Variants in LRRTM3 observed in about 807,000 individuals in gnomAD.
The protein encoded by LRRTM3 is leucine-rich repeat transmembrane neuronal protein 3.
In LRRTM3, 24 loss-of-function variants were observed where a neutral mutation model predicts 44.7. The ratio of observed to expected loss-of-function variants is 0.54; its 90% CI spans 0.39 to 0.76. LRRTM3 has a LOEUF of 0.76. Ranked by LOEUF, LRRTM3 falls within the 30% of genes least tolerant of loss-of-function variation. LRRTM3 has a pLI of 0.00. For missense variants in LRRTM3, 587 were observed against 702.2 expected (o/e 0.84, Z 1.85); for synonymous variants, 277 against 278.7 (o/e 0.99, Z 0.06).
At chr10:67,003,311 C>T (rs1470913215) in intron 2 of LRRTM3, among the ~76,000 whole-genome samples, 4 of 152,128 alleles carry the variant, frequency 2.6e-5, no homozygotes, top group Non-Finnish European at 5.9e-5. Context: ...TCTGCTTTAA[C>T]CCTAATACTG....
chr10:67,056,740 T>C (rs1037977021), intron 2 of LRRTM3, among the ~76,000 whole-genome samples: 7 of 152,190 alleles, frequency 4.6e-5, no homozygotes, highest in African/African-American at 1.7e-4. Flanking sequence ...ATAATTAAAA[T>C]AGCAAGTTCA....
At chr10:67,040,893 T>TA (rs1854351020) in intron 2 of LRRTM3, among the ~76,000 whole-genome samples, 1 of 152,100 alleles carries the variant, frequency 6.6e-6, no homozygotes, top group Admixed American at 6.6e-5. Flanking sequence ...GAGACAAAGA[T>TA]AAAAAAGACC....
At chr10:67,031,474 G>T (rs536442422) in intron 2 of LRRTM3, among the ~76,000 whole-genome samples, 45 of 152,222 alleles carry the variant, frequency 3.0e-4, no homozygotes, top group African/African-American at 1.1e-3. Flanking sequence ...TCACTTCAAA[G>T]ATTTTCAAGA....
rs548286258 is a variant in LRRTM3 at position 67,068,603 on chromosome 10, T to C, written c.1537-28984T>C. 4.6e-5 allele frequency among the ~76,000 whole-genome samples: 7 copies of C among 152,048 alleles called. No individual in the cohort carries two copies. In the South Asian group the frequency reaches 8.3e-4, roughly 18 times the overall value. On this transcript the variant is annotated intron_variant, in intron 2 of 2. Coordinates refer to ENST00000361320, the MANE Select transcript of LRRTM3 (RefSeq NM_178011.5). ...GACAGTTCTTATATTTTAGTAATTA[T>C]CAGAGAAAAAAAGACAAGAAGAAAA...
At chr10:66,963,856 T>C (rs1332345348) in intron 2 of LRRTM3, among the ~76,000 whole-genome samples, 1 of 151,952 alleles carries the variant, frequency 6.6e-6, no homozygotes, top group East Asian at 1.9e-4. Context: ...TTTTTTTTTT[T>C]TTTTTAAGAT....
At chr10:67,065,696 A>G (rs546104267) in intron 2 of LRRTM3, among the ~76,000 whole-genome samples, 1 of 152,148 alleles carries the variant, frequency 6.6e-6, no homozygotes, top group East Asian at 1.9e-4. Flanking sequence ...CGGGAAGAGA[A>G]CTCCAAGGTC....
chr10:67,033,374 C>T (rs765196122), intron 2 of LRRTM3, among the ~76,000 whole-genome samples: 1 of 152,096 alleles, frequency 6.6e-6, no homozygotes, highest in Non-Finnish European at 1.5e-5. Flanking sequence ...ACACAAATCT[C>T]GATGCTTCTC....
chr10:67,074,453 C>T (rs1051875440), intron 2 of LRRTM3, among the ~76,000 whole-genome samples: 1 of 147,986 alleles, frequency 6.8e-6, no homozygotes, highest in Non-Finnish European at 1.5e-5. Context: ...CGGGTTCACG[C>T]CATTCTCCTG....
intron 2 of LRRTM3, among the ~76,000 whole-genome samples, chr10:67,058,780 C>T (rs560829639): frequency 2.0e-5 from 3 of 152,248 alleles, no homozygotes; most frequent in Admixed American, 2.0e-4. Context: ...GTAATGTCTG[C>T]ATCACAGAGC....
At chr10:67,047,610 A>G (rs987568426) in intron 2 of LRRTM3, among the ~76,000 whole-genome samples, 2 of 152,134 alleles carry the variant, frequency 1.3e-5, no homozygotes, top group African/African-American at 4.8e-5. Flanking sequence ...CGTATAGGCA[A>G]TAAATGGTGT....
In LRRTM3 at chr10:66,927,882, C is replaced by T. The variant is rs757257686; in HGVS notation, c.966C>T (p.Ser322=). Reference sequence around the variant, plus strand: ...GGGAATGCAGCAGAAATATTTGCTCCCTTGTAAACTGGCTGAAAAGTTTTA... The same window carrying T: ...GGGAATGCAGCAGAAATATTTGCTCTCTTGTAAACTGGCTGAAAAGTTTTA... ...NIWECSRNIC[S]LVNWLKSFKG... Residue 322 remains serine (S), a synonymous_variant, in exon 2 of 3, where the codon TCC becomes TCT. Coordinates refer to ENST00000361320, the MANE Select transcript of LRRTM3 (RefSeq NM_178011.5). The surrounding 1 kb of genome is among the most constrained non-coding windows in gnomAD (Gnocchi z 4.7). 26 of 1,614,060 alleles carry T rather than the reference C, an allele frequency of 1.6e-5. No individual in the cohort carries two copies. The highest frequency in any genetic ancestry group is 1.6e-4 in the Middle Eastern group (1 of 6,084).
At chr10:67,038,990 T>C (rs1002375400) in intron 2 of LRRTM3, among the ~76,000 whole-genome samples, 1 of 152,060 alleles carries the variant, frequency 6.6e-6, no homozygotes, top group South Asian at 2.1e-4. Flanking sequence ...TCAGGCATAA[T>C]CAAGAATTGG....
chr10:66,980,417 AC>A (rs1404879643), intron 2 of LRRTM3, among the ~76,000 whole-genome samples: 1 of 151,408 alleles, frequency 6.6e-6, no homozygotes, highest in African/African-American at 2.4e-5. Context: ...AGAAAAGAGA[AC>A]CCTGGCACTG....
At chr10:66,940,862 C>A (rs1191554006) in intron 2 of LRRTM3, among the ~76,000 whole-genome samples, 3 of 151,992 alleles carry the variant, frequency 2.0e-5, no homozygotes, top group Non-Finnish European at 4.4e-5. Flanking sequence ...GGTAATATGA[C>A]AAAACAGATT....
At chr10:67,092,645 T>C (rs941028291) in intron 2 of LRRTM3, among the ~76,000 whole-genome samples, 1 of 152,000 alleles carries the variant, frequency 6.6e-6, no homozygotes. Flanking sequence ...TTTAAAAAAC[T>C]ATTCTTATCC....
At chr10:67,069,634 TTCTG>T (rs908045591) in intron 2 of LRRTM3, among the ~76,000 whole-genome samples, 2 of 141,928 alleles carry the variant, frequency 1.4e-5, no homozygotes, top group African/African-American at 5.2e-5. Flanking sequence ...CATAGATTAG[TTCTG>T]TCTGTTTTTG....
intron 2 of LRRTM3, among the ~76,000 whole-genome samples, chr10:67,073,259 C>T (rs1856562114): frequency 6.6e-6 from 1 of 152,188 alleles, no homozygotes; most frequent in South Asian, 2.1e-4. Context: ...ATTTTAATAG[C>T]TCTGATTAGT....
At chr10:67,046,504 G>T (rs1854753127) in intron 2 of LRRTM3, among the ~76,000 whole-genome samples, 1 of 152,116 alleles carries the variant, frequency 6.6e-6, no homozygotes, top group South Asian at 2.1e-4. Flanking sequence ...AGAACAAGGG[G>T]ATTCCTGGAA....
chr10:67,085,977 C>T (rs1293849405), intron 2 of LRRTM3, among the ~76,000 whole-genome samples: 1 of 151,978 alleles, frequency 6.6e-6, no homozygotes, highest in Non-Finnish European at 1.5e-5. Context: ...CTCATCATAT[C>T]CTACACATAA....
Sources: gnomAD v4.1 joint callset for allele counts (sites outside exome capture counted in the v4.1 genomes callset) on GRCh38, gnomAD v4.1.1 for gene constraint, Gnocchi (gnomAD v3.1) non-coding constraint, MANE v1.5 for transcripts, NCBI Gene and HGNC (gene_info 2026-07-23, HGNC 2026-07-21) for gene names.